ATXN3: variants seen among roughly 807,000 people sequenced by gnomAD.
The protein encoded by ATXN3 is ataxin 3, also known as ataxin-3.
A neutral mutation model predicts 58.2 loss-of-function variants in ATXN3; 28 were observed. The observed-to-expected ratio is 0.48, with a 90% confidence interval of 0.36 to 0.66. The LOEUF (loss-of-function observed/expected upper bound fraction) is 0.66, where lower values mean the gene tolerates loss of function less well. Among genes scored for constraint, ATXN3 ranks in the 30% least tolerant of loss-of-function variants. The probability of loss-of-function intolerance (pLI) is 0.00; values close to 1 mark genes in which losing one functional copy is unlikely to be tolerated. For missense variants in ATXN3, 321 were observed against 422.1 expected, an observed-to-expected ratio of 0.76 and a Z score of 2.10; for synonymous variants, 113 against 138.5, an observed-to-expected ratio of 0.82 and a Z score of 1.29.
At chr14:92,082,210 CT>C in intron 8 of ATXN3, 89 bp downstream of exon 8, 1 of 1,415,756 alleles carries the variant, frequency 7.1e-7, no homozygotes, top group South Asian at 1.5e-5. Context: ...GTCAAAACAC[CT>C]CTAAGAGTAC....
intron 1 of ATXN3, among the ~76,000 whole-genome samples, chr14:92,100,970 T>C (rs568567371): frequency 9.2e-5 from 14 of 152,342 alleles, no homozygotes; most frequent in Admixed American, 4.6e-4. Context: ...ATGGTCACCA[T>C]ACTTAATACC....
At chr14:92,054,820 T>C (rs890486125), downstream of ATXN3, among the ~76,000 whole-genome samples, 1 of 152,176 alleles carries the variant, frequency 6.6e-6, no homozygotes, top group African/African-American at 2.4e-5. Flanking sequence ...TCCACATTTC[T>C]TGAAGATGAG....
Position 92,082,239 on chromosome 14 carries a change from C to A in ATXN3, c.775+61G>T, listed in dbSNP as rs1404695132. The A allele has an allele frequency of 2.6e-6, 4 of 1,520,394 alleles. No homozygotes were observed. The African/African-American group carries it at 5.5e-5, about 21-fold the overall frequency. 94.2% of individuals were successfully genotyped at this position (1,520,394 alleles called of 1,614,324 possible). A position where few individuals can be genotyped will look rare whatever the true frequency, so the allele number is the denominator to read the frequency against. On this transcript the variant is annotated intron_variant, in intron 8 of 10. Coordinates refer to ENST00000644486, the MANE Select transcript of ATXN3 (RefSeq NM_004993.6). ...AAGAGTACATTAACTTCCATGAAAT[C>A]TAAGAATAATTGGAATCAATTCTTC...
At chr14:92,070,815 A>C (rs762428905) in intron 10 of ATXN3, 120 bp downstream of exon 10, 1 of 1,565,612 alleles carries the variant, frequency 6.4e-7, no homozygotes, top group Middle Eastern at 1.7e-4. Context: ...AAATTTACTT[A>C]AGATTCTTAA....
chr14:92,056,807 C>T (rs1276451609), downstream of ATXN3, among the ~76,000 whole-genome samples: 9 of 152,188 alleles, frequency 5.9e-5, no homozygotes, highest in Admixed American at 2.0e-4. Context: ...ACCAGAGCAA[C>T]TCCATCTTGA....
chr14:92,104,874 A>T (rs951334002), intron 1 of ATXN3, among the ~76,000 whole-genome samples: 1 of 150,124 alleles, frequency 6.7e-6, no homozygotes, highest in Non-Finnish European at 1.5e-5. Flanking sequence ...GTGAGCCATG[A>T]TGGCGCCATT....
At chr14:92,104,131 G>A (rs1054139516) in intron 1 of ATXN3, among the ~76,000 whole-genome samples, 12 of 152,112 alleles carry the variant, frequency 7.9e-5, no homozygotes, top group African/African-American at 2.7e-4. Flanking sequence ...ATAATTAAGA[G>A]GGACTCTTTT....
intron 9 of ATXN3, among the ~76,000 whole-genome samples, chr14:92,074,051 G>T (rs2059924095): frequency 6.7e-6 from 1 of 149,784 alleles, no homozygotes; most frequent in South Asian, 2.1e-4. Context: ...AATGGGCCAG[G>T]CATGGTGGCT....
chr14:92,058,872 A>T lies in ATXN3; in HGVS notation c.*5448T>A, dbSNP rs1313152823. The T allele has an allele frequency of 6.6e-6, 1 of 152,194 alleles. No homozygotes were observed. The highest frequency in any genetic ancestry group is 1.9e-4 in the East Asian group (1 of 5,194). 9.4% of individuals were successfully genotyped at this position (152,194 alleles called of 1,614,324 possible). On this transcript the variant is annotated 3_prime_UTR_variant, in exon 11 of 11. Transcript: ENST00000644486. ...ATATTTATACAGAACAGTAATTTTT[A>T]AAAAGTTATTCCTAATAGCCCAGTG...
chr14:92,072,694 TAA>T lies in ATXN3; in HGVS notation c.873-1643_873-1642del, dbSNP rs33967699. On this transcript the variant is annotated intron_variant, in intron 9 of 10. Transcript: ENST00000644486. ...ACAATCTCAGTGAGAAGCTATAGGTTAAAAAAAAAAAAAAAAAAAAAAAAGAT... is the reference window on the plus strand; with the variant it reads ...ACAATCTCAGTGAGAAGCTATAGGTTAAAAAAAAAAAAAAAAAAAAAAGAT... Among the ~76,000 whole-genome samples, 343 of 90,958 alleles carry T rather than the reference TAA, an allele frequency of 3.8e-3. 1 individual carries two copies. Among genetic ancestry groups the T allele is most frequent in the African/African-American group, 0.013 (305 of 22,700 alleles). The allele number at this position is 90,958 out of a possible 152,430, so 59.7% of individuals were successfully genotyped here.
At chr14:92,051,714 C>T (rs1357622968), upstream of ATXN3, among the ~76,000 whole-genome samples, 67 of 35,172 alleles carry the variant, frequency 1.9e-3, no homozygotes, top group Middle Eastern at 0.024. Flanking sequence ...TCTTCTTTTC[C>T]TTTCTTTTTT....
chr14:92,069,371 CTTT>C (rs34755730), intron 10 of ATXN3, among the ~76,000 whole-genome samples: 1 of 92,566 alleles, frequency 1.1e-5, no homozygotes, highest in Admixed American at 1.4e-4. Flanking sequence ...GTGTCCAGCC[CTTT>C]TTTTTTTTTT....
At chr14:92,099,892 A>C (rs377386978) in intron 1 of ATXN3, among the ~76,000 whole-genome samples, 40,708 of 147,410 alleles carry the variant, frequency 0.28, 5,705 homozygotes, top group Admixed American at 0.35. Flanking sequence ...AAAGACAAGA[A>C]AGAAAGACAG....
intron 8 of ATXN3, among the ~76,000 whole-genome samples, chr14:92,081,686 GATAA>G (rs760604342): frequency 9.9e-5 from 15 of 151,956 alleles, no homozygotes; most frequent in African/African-American, 2.7e-4. Context: ...GAAATCAACT[GATAA>G]ATAATTTCAT....
intron 9 of ATXN3, among the ~76,000 whole-genome samples, chr14:92,073,835 T>C: frequency 6.8e-6 from 1 of 147,546 alleles, no homozygotes. Flanking sequence ...TGAGACTCTG[T>C]CTCAAAAAAA....
downstream of ATXN3, among the ~76,000 whole-genome samples, chr14:92,057,624 GTTA>G (rs764248281): frequency 4.9e-4 from 74 of 152,048 alleles, no homozygotes; most frequent in Middle Eastern, 3.4e-3. Context: ...GTCCTGTAAT[GTTA>G]TTATGTTTCA....
chr14:92,086,100 A>T (rs2062429477), intron 6 of ATXN3, among the ~76,000 whole-genome samples: 1 of 152,090 alleles, frequency 6.6e-6, no homozygotes, highest in African/African-American at 2.4e-5. Flanking sequence ...TCAAATTGTG[A>T]TCTCCAAATA....
Position 92,063,710 on chromosome 14 carries a change from T to C in ATXN3, c.*610A>G, listed in dbSNP as rs996414658. The C allele has an allele frequency of 1.3e-5, 2 of 152,166 alleles. No homozygotes were observed. The highest frequency in any genetic ancestry group is 2.4e-5 in the African/African-American group (1 of 41,436). The allele number at this position is 152,166 out of a possible 1,614,324, so 9.4% of individuals were successfully genotyped here. On this transcript the variant is annotated 3_prime_UTR_variant, in exon 11 of 11. Coordinates refer to ENST00000644486, the MANE Select transcript of ATXN3 (RefSeq NM_004993.6). ...CGCTAAACCTCAGAAAAGATTACCA[T>C]CTTTCAAAAGAATTGTGGGAAAATA...
chr14:92,057,430 G>T (rs957904547), downstream of ATXN3, among the ~76,000 whole-genome samples: 6 of 139,832 alleles, frequency 4.3e-5, no homozygotes, highest in Admixed American at 6.9e-5. Flanking sequence ...ACAACAAAGC[G>T]GGGGGAGGGG....
Sources: allele counts gnomAD v4.1 joint callset (sites outside exome capture counted in the v4.1 genomes callset), GRCh38; gene constraint gnomAD v4.1.1; transcripts MANE v1.5; gene names NCBI Gene and HGNC (gene_info 2026-07-23, HGNC 2026-07-21).